The following HEPH variants were observed in gnomAD, a reference collection of about 807,000 sequenced individuals.
The protein encoded by HEPH is hephaestin.
Under a neutral mutation model 80.8 loss-of-function variants are expected in HEPH, and 69 were observed. That is an observed-to-expected ratio of 0.85 (90% confidence interval 0.70 to 1.04). The LOEUF (loss-of-function observed/expected upper bound fraction) is 1.04, where lower values mean the gene tolerates loss of function less well. Among genes scored for constraint, HEPH ranks in the 50% least tolerant of loss-of-function variants. The pLI, the probability that HEPH is intolerant of heterozygous loss-of-function variation, is 0.00. For synonymous variants in HEPH, 431 were observed against 322.8 expected (o/e 1.34, Z -3.60); for missense variants, 1,115 against 891.3 (o/e 1.25, Z -3.20).
intron 4 of HEPH, among the ~76,000 whole-genome samples, chrX:66,181,855 C>G (rs1193200076): frequency 1.0e-5 from 1 of 100,313 alleles, no homozygotes; most frequent in Admixed American, 1.1e-4. Flanking sequence ...AATCTTTAAT[C>G]CATCTTGAAT....
At chrX:66,194,641 G>A (rs1338352828) in intron 8 of HEPH, among the ~76,000 whole-genome samples, 1 of 111,621 alleles carries the variant, frequency 9.0e-6, no homozygotes, top group Non-Finnish European at 1.9e-5. Flanking sequence ...TCAGATTGAG[G>A]CAAGCACAGA....
rs1569328964 is a variant in HEPH at position 66,203,477 on chromosome X, G to T, written c.2191G>T (p.Ala731Ser). The T allele has an allele frequency of 2.5e-6, 3 of 1,211,444 alleles. No individual in the cohort carries two copies. Among genetic ancestry groups the T allele is most frequent in the East Asian group, 3.0e-5 (1 of 33,842 alleles). The stretch of plus-strand genomic sequence containing the variant: ...AGCCACCCCTCGCCAACGCTACCAA[G>T]CTGCAAGAATCTACTATATCATGGC... ...HQATPRQRYQAARIYYIMAEE... is the reference protein window; with the variant it reads ...HQATPRQRYQSARIYYIMAEE... Residue 731 changes from alanine to serine, a missense_variant, in exon 13 of 21, where the codon GCT becomes TCT. Ala to Ser is a moderately conservative substitution (Grantham distance 99). This residue lies in a region of HEPH where 716 missense variants were observed against 523.5 expected (regional missense o/e 1.37). Coordinates refer to ENST00000343002, the MANE Select transcript of HEPH (RefSeq NM_001367233.3).
In HEPH at chrX:66,200,727, G is replaced by A. The variant is rs2088391826; in HGVS notation, c.2052G>A (p.Met684Ile). The change falls in exon 12 of 21, where the codon ATG (methionine) becomes ATA (isoleucine). Residue 684 changes from methionine (M) to isoleucine (I), a missense_variant. Around this residue, in one of 3 missense-constraint regions of HEPH, gnomAD observed 716 missense variants for 523.5 expected, o/e 1.37. Transcript: ENST00000343002. ...AAMLFPHTFVMAIMQPDNLGT... is the reference protein window; with the variant it reads ...AAMLFPHTFVIAIMQPDNLGT... ...TGCTCTTTCCTCATACCTTTGTCAT[G>A]GCCATCATGCAGCCTGACAACCTTG... 8.3e-7 allele frequency: 1 copy of A among 1,210,959 alleles called. No individual in the cohort carries two copies. Among genetic ancestry groups the A allele is most frequent in the East Asian group, 3.0e-5 (1 of 33,824 alleles).
chrX:66,193,572 G>A lies in HEPH; in HGVS notation c.1303G>A (p.Ala435Thr), dbSNP rs1417188233. 2.5e-6 allele frequency: 3 copies of A among 1,193,286 alleles called. No individual in the cohort carries two copies. Among genetic ancestry groups the A allele is most frequent in the Admixed American group, 2.2e-5 (1 of 45,335 alleles). The change falls in exon 8 of 21, where the codon GCC (alanine) becomes ACC (threonine). Residue 435 changes from alanine (A) to threonine (T), a missense_variant. Physicochemically the swap from Ala to Thr is moderately conservative, Grantham distance 58. Transcript: ENST00000343002. Reference protein sequence around the residue: ...GGTYWKVRYEAFQDETFQEKM... With the variant: ...GGTYWKVRYETFQDETFQEKM... ...CACTTACTGGAAAGTGCGATATGAA[G>A]CCTTTCAAGATGAGACATTCCAAGA...
chrX:66,201,492 C>T (rs974873364), intron 12 of HEPH, among the ~76,000 whole-genome samples: 3 of 111,008 alleles, frequency 2.7e-5, no homozygotes, highest in African/African-American at 9.8e-5. Context: ...TATAATGTTT[C>T]TTCAGATTCT....
intron 15 of HEPH, among the ~76,000 whole-genome samples, chrX:66,242,968 A>T (rs1429379411): frequency 8.9e-6 from 1 of 111,996 alleles, no homozygotes; most frequent in Non-Finnish European, 1.9e-5. Context: ...TTCTCCAGGA[A>T]CTTAAAACGG....
At chrX:66,198,043 G>T (rs985469933) in intron 10 of HEPH, 149 bp downstream of exon 10, 15 of 481,841 alleles carry the variant, frequency 3.1e-5, no homozygotes, top group Non-Finnish European at 5.3e-5. Flanking sequence ...AATAGTTGGT[G>T]ACCTCATACT....
In HEPH at chrX:66,266,458, T is replaced by C; in HGVS notation, c.3263T>C (p.Ile1088Thr). ...ETEKAVPPRD[I>T]EEGNVKMLGM... ...ATTTCAGCAGTGCCCCCCAGAGACA[T>C]TGAAGAAGGCAATGTGAAGATGCTG... Residue 1088 changes from isoleucine to threonine, a missense_variant, in exon 21 of 21, where the codon ATT becomes ACT. Transcript: ENST00000343002. The C allele has an allele frequency of 8.3e-7, 1 of 1,209,158 alleles. No individual in the cohort carries two copies. Among genetic ancestry groups the C allele is most frequent in the Non-Finnish European group, 1.1e-6 (1 of 893,960 alleles).
At chrX:66,173,304 A>G (rs767395714) in intron 3 of HEPH, among the ~76,000 whole-genome samples, 6 of 112,179 alleles carry the variant, frequency 5.3e-5, no homozygotes, top group South Asian at 3.7e-4. Flanking sequence ...GCTTTATGCT[A>G]TGGCATTACC....
intron 10 of HEPH, among the ~76,000 whole-genome samples, chrX:66,198,163 CCTCT>C (rs1267494620): frequency 2.8e-5 from 3 of 106,607 alleles, no homozygotes; most frequent in Non-Finnish European, 5.8e-5. Context: ...TCCCTCCCTC[CCTCT>C]CTCTCCCTTT....
At chrX:66,259,794 C>T (rs1267827249) in intron 18 of HEPH, among the ~76,000 whole-genome samples, 2 of 108,752 alleles carry the variant, frequency 1.8e-5, no homozygotes, top group African/African-American at 3.4e-5. Context: ...CTGCAAGCTA[C>T]GGCTTCTGGG....
intron 15 of HEPH, among the ~76,000 whole-genome samples, chrX:66,237,305 G>T (rs2090400854): frequency 9.0e-6 from 1 of 111,368 alleles, no homozygotes; most frequent in South Asian, 3.8e-4. Flanking sequence ...CCTTAGCTGT[G>T]TCCCAGAGAT....
In HEPH at chrX:66,179,517, A is replaced by G. The variant is rs534402818; in HGVS notation, c.625+5716A>G. Among the ~76,000 whole-genome samples, 6 of 111,944 alleles carry G rather than the reference A, an allele frequency of 5.4e-5. No individual in the cohort carries two copies. In the South Asian group the frequency reaches 1.1e-3, roughly 21 times the overall value. The stretch of plus-strand genomic sequence containing the variant: ...GGTACCTTGATGGAGATGACATTGA[A>G]TCTATAAATTACCTTGGGCAGTATT... On this transcript the variant is annotated intron_variant, in intron 4 of 20. Transcript: ENST00000343002.
At position 66,203,593 on chromosome X, in the gene HEPH, T is replaced by G. The variant is rs1464222472; in HGVS notation, c.2291+16T>G. 3.4e-6 allele frequency: 4 copies of G among 1,182,562 alleles called. No individual in the cohort carries two copies. Among genetic ancestry groups the G allele is most frequent in the Middle Eastern group, 2.4e-4 (1 of 4,243 alleles). On this transcript the variant is annotated intron_variant, in intron 13 of 20. Transcript: ENST00000343002. ...AGAAGGACAGGTAAGGCTTCATAAA[T>G]GGAGAGATTACACTTTTAGAAAAAC... is the stretch of plus-strand genomic sequence containing the variant.
chrX:66,227,517 AC>A lies in HEPH; in HGVS notation c.2563+19272del, dbSNP rs2089942500. Among the ~76,000 whole-genome samples the A allele has an allele frequency of 4.5e-5, 5 of 111,972 alleles. No homozygotes were observed. In the South Asian group the frequency reaches 1.9e-3, roughly 42 times the overall value. On this transcript the variant is annotated intron_variant, in intron 15 of 20. Transcript: ENST00000343002. ...TTGCTGATGACATGATTGTATACCTACAAAACCCTAAAGACACATCTGGAAA... is the reference window on the plus strand; with the variant it reads ...TTGCTGATGACATGATTGTATACCTAAAAACCCTAAAGACACATCTGGAAA...
At chrX:66,245,255 C>A (rs2090758397) in intron 15 of HEPH, among the ~76,000 whole-genome samples, 1 of 110,950 alleles carries the variant, frequency 9.0e-6, no homozygotes. Flanking sequence ...CAGAGACACA[C>A]ATAGGCTCAA....
At chrX:66,224,837 CTT>C (rs917774507) in intron 15 of HEPH, among the ~76,000 whole-genome samples, 5 of 109,539 alleles carry the variant, frequency 4.6e-5, no homozygotes, top group African/African-American at 1.7e-4. Flanking sequence ...CTCTCTCTCT[CTT>C]TCTTTCTCTC....
chrX:66,212,226 G>A (rs1293296950), intron 15 of HEPH, among the ~76,000 whole-genome samples: 1 of 105,022 alleles, frequency 9.5e-6, no homozygotes, highest in African/African-American at 3.5e-5. Flanking sequence ...GAGTTTCTTG[G>A]TATTCTAGTA....
intron 15 of HEPH, among the ~76,000 whole-genome samples, chrX:66,213,011 AAATT>A (rs1366631278): frequency 8.2e-4 from 89 of 108,491 alleles, no homozygotes; most frequent in Non-Finnish European, 1.3e-3. Context: ...AGTTTTTTTT[AAATT>A]AATTTATTTA....
Sources: allele counts gnomAD v4.1 joint callset (sites outside exome capture counted in the v4.1 genomes callset), GRCh38; gene constraint gnomAD v4.1.1; regional missense constraint gnomAD v4.1.1; transcripts MANE v1.5; gene names NCBI Gene and HGNC (gene_info 2026-07-23, HGNC 2026-07-21).